CPNE5: variants seen among roughly 807,000 people sequenced by gnomAD.
The protein encoded by CPNE5 is copine-5.
In CPNE5, 42 loss-of-function variants were observed where a neutral mutation model predicts 81.1. The ratio of observed to expected loss-of-function variants is 0.52; its 90% CI spans 0.40 to 0.67. The LOEUF (loss-of-function observed/expected upper bound fraction) is 0.67. CPNE5 is among the 30% of genes least tolerant of loss of function. The pLI is 0.00. For synonymous variants in CPNE5, 313 were observed against 321.5 expected, an observed-to-expected ratio of 0.97 and a Z score of 0.28; for missense variants, 612 against 815.5, an observed-to-expected ratio of 0.75 and a Z score of 3.04.
At chr6:36,748,094 G>T in intron 15 of CPNE5, 127 bp downstream of exon 15, 2 of 867,498 alleles carry the variant, frequency 2.3e-6, no homozygotes, top group South Asian at 2.8e-5. Context: ...TCCAGACCTA[G>T]GTACATCCTC....
intron 7 of CPNE5, among the ~76,000 whole-genome samples, chr6:36,793,305 C>A (rs954637114): frequency 6.6e-6 from 1 of 152,130 alleles, no homozygotes; most frequent in Non-Finnish European, 1.5e-5. Context: ...GTGAGCAGAG[C>A]GGGGGCCACA....
intron 3 of CPNE5, among the ~76,000 whole-genome samples, chr6:36,807,808 C>T (rs551317208): frequency 1.1e-4 from 16 of 152,160 alleles, no homozygotes; most frequent in South Asian, 6.2e-4. Context: ...ACTCTCCCTA[C>T]GGGCTACCCA....
Position 36,838,682 on chromosome 6 carries a change from T to C in CPNE5, c.95+601A>G, listed in dbSNP as rs144977666. On this transcript the variant is annotated intron_variant, in intron 1 of 20. Coordinates refer to ENST00000244751, the MANE Select transcript of CPNE5 (RefSeq NM_020939.2). ...TTAATGGTGCCACTTTAAGTTGTTA[T>C]CATGTATCCACACCTTAGTATGAAT... 2.3e-5 allele frequency: 18 copies of C among 769,398 alleles called. 1 individual carries two copies. In the East Asian group the frequency reaches 2.0e-3, roughly 87 times the overall value. The allele number at this position is 769,398 out of a possible 1,614,324, so 47.7% of individuals were successfully genotyped here.
intron 14 of CPNE5, among the ~76,000 whole-genome samples, chr6:36,752,410 C>T (rs1398778244): frequency 6.6e-6 from 1 of 152,134 alleles, no homozygotes; most frequent in Non-Finnish European, 1.5e-5. Context: ...GCTCCTTAAA[C>T]TCATGTTTGA....
At chr6:36,821,320 T>G (rs973098546) in intron 3 of CPNE5, among the ~76,000 whole-genome samples, 1 of 151,782 alleles carries the variant, frequency 6.6e-6, no homozygotes, top group East Asian at 1.9e-4. Flanking sequence ...GTGGGGGGAC[T>G]GGGAGGCCAT....
chr6:36,744,845 A>G (rs571490692), intron 18 of CPNE5, among the ~76,000 whole-genome samples: 3 of 152,320 alleles, frequency 2.0e-5, no homozygotes, highest in East Asian at 3.9e-4. Context: ...AGAATCCACT[A>G]TCCAGCACCG....
intron 12 of CPNE5, among the ~76,000 whole-genome samples, chr6:36,758,156 G>A (rs900844882): frequency 9.2e-5 from 14 of 152,168 alleles, no homozygotes; most frequent in African/African-American, 3.4e-4. Context: ...ATGTGCCTCA[G>A]TCTCCTCATC....
At chr6:36,798,308 A>T (rs1769777758) in intron 5 of CPNE5, 67 bp from the exon 6 acceptor site, 1 of 1,529,788 alleles carries the variant, frequency 6.5e-7, no homozygotes, top group Non-Finnish European at 9.0e-7. Context: ...CACCTCCCCC[A>T]TCGCCCAATT....
chr6:36,765,500 T>C (rs1329718901), intron 10 of CPNE5, 124 bp from the exon 11 acceptor site: 9 of 1,126,496 alleles, frequency 8.0e-6, no homozygotes, highest in South Asian at 1.4e-5. Context: ...CCCAGGGCCC[T>C]GGGTGGGGAG....
rs1224659019 is a variant in CPNE5, at chr6:36,766,057, G to C, written c.738-681C>G. ...CAACAGGCTAGCGGACCAGAGCTGG[G>C]AGGAGGGAGGTGGAGGGTTGCGGTT... is the stretch of plus-strand genomic sequence containing the variant. On this transcript the variant is annotated intron_variant, in intron 10 of 20. Transcript: ENST00000244751. This position sits in a 1 kb window ranked among gnomAD's most constrained non-coding sequence, Gnocchi z 4.2. Among the ~76,000 whole-genome samples, 2 of 152,214 alleles carry C rather than the reference G, an allele frequency of 1.3e-5. No individual in the cohort carries two copies. The highest frequency in any genetic ancestry group is 4.8e-5 in the African/African-American group (2 of 41,448).
intron 9 of CPNE5, among the ~76,000 whole-genome samples, chr6:36,777,878 C>A (rs1183639153): frequency 6.6e-6 from 1 of 151,778 alleles, no homozygotes; most frequent in African/African-American, 2.4e-5. Context: ...ACGTTTCTCC[C>A]TTCTCTAGCC....
At position 36,800,014 on chromosome 6, in the gene CPNE5, G is replaced by T. The variant is rs1053397032; in HGVS notation, c.240C>A (p.Phe80Leu). The T allele has an allele frequency of 4.3e-6, 7 of 1,614,078 alleles. No homozygotes were observed. Among genetic ancestry groups the T allele is most frequent in the South Asian group, 2.2e-5 (2 of 91,060 alleles). Residue 80 changes from phenylalanine to leucine, a missense_variant, in exon 4 of 21, where the codon TTC (phenylalanine) becomes TTA (leucine). Physicochemically the swap from Phe to Leu is conservative, Grantham distance 22. Coordinates refer to ENST00000244751, the MANE Select transcript of CPNE5 (RefSeq NM_020939.2). ...TCTCCTCGAAAAAGTAATCCACAAT[G>T]AACTTGCGCACGAAGTCAGGATTGA... ...NTLNPDFVRK[F>L]IVDYFFEEKQ...
At chr6:36,791,769 C>A (rs1203472625) in intron 8 of CPNE5, among the ~76,000 whole-genome samples, 3 of 152,130 alleles carry the variant, frequency 2.0e-5, no homozygotes, top group Admixed American at 2.0e-4. Flanking sequence ...GGAGGGAGCC[C>A]TGGCATGGGA....
At chr6:36,837,699 G>A (rs1310263423) in intron 1 of CPNE5, among the ~76,000 whole-genome samples, 7 of 152,064 alleles carry the variant, frequency 4.6e-5, no homozygotes, top group African/African-American at 1.4e-4. Context: ...TTTCAGGAGT[G>A]GGGGGATCAT....
chr6:36,814,347 G>T (rs1224416405), intron 3 of CPNE5, among the ~76,000 whole-genome samples: 1 of 152,062 alleles, frequency 6.6e-6, no homozygotes, highest in Admixed American at 6.6e-5. Context: ...AATTCAACAT[G>T]GTCTCCATAA....
chr6:36,818,421 C>A (rs905964679), intron 3 of CPNE5, among the ~76,000 whole-genome samples: 5 of 152,180 alleles, frequency 3.3e-5, no homozygotes, highest in African/African-American at 1.2e-4. Flanking sequence ...TGACCCATCT[C>A]CCTATTTTCC....
intron 10 of CPNE5, among the ~76,000 whole-genome samples, chr6:36,772,856 C>CT (rs989010804): frequency 1.2e-3 from 183 of 149,376 alleles, no homozygotes; most frequent in African/African-American, 3.7e-3. Context: ...TTAAGGTTTT[C>CT]TTTTTTTTTT....
chr6:36,819,872 C>A (rs567025042), intron 3 of CPNE5, among the ~76,000 whole-genome samples: 1 of 152,318 alleles, frequency 6.6e-6, no homozygotes, highest in African/African-American at 2.4e-5. Context: ...GCCAACAGGG[C>A]CACAGCTTCA....
At position 36,808,152 on chromosome 6, in the gene CPNE5, G is replaced by A. The variant is rs527440206; in HGVS notation, c.184-8082C>T. Among the ~76,000 whole-genome samples the A allele has an allele frequency of 7.9e-5, 12 of 151,682 alleles. No homozygotes were observed. The East Asian group carries it at 1.2e-3, about 15-fold the overall frequency. On this transcript the variant is annotated intron_variant, in intron 3 of 20. Transcript: ENST00000244751. ...GTTGCCCAGGCTGGAGTGCAGTGGC[G>A]CGATCTTGGCTCACTGCAACCTCTG...
Sources: gnomAD v4.1 joint callset for allele counts (sites outside exome capture counted in the v4.1 genomes callset) on GRCh38, gnomAD v4.1.1 for gene constraint, Gnocchi (gnomAD v3.1) non-coding constraint, MANE v1.5 for transcripts, NCBI Gene and HGNC (gene_info 2026-07-23, HGNC 2026-07-21) for gene names.